The following RGS7 variants were observed in gnomAD, a reference collection of about 807,000 sequenced individuals.
The protein encoded by RGS7 is regulator of G-protein signaling 7.
A neutral mutation model predicts 81.1 loss-of-function variants in RGS7; 27 were observed. The ratio of observed to expected loss-of-function variants is 0.33; its 90% CI spans 0.25 to 0.46. The LOEUF is 0.46. RGS7 is among the 20% of genes least tolerant of loss of function. The pLI, the probability that RGS7 is intolerant of heterozygous loss-of-function variation, is 1.00. For synonymous variants in RGS7, 208 were observed against 207.7 expected (o/e 1.00, Z -0.01); for missense variants, 396 against 607.4 (o/e 0.65, Z 3.66).
At chr1:241,209,818 C>G (rs1276954877) in intron 2 of RGS7, among the ~76,000 whole-genome samples, 1 of 151,950 alleles carries the variant, frequency 6.6e-6, no homozygotes, top group Non-Finnish European at 1.5e-5. Context: ...GCGTGGGTGT[C>G]AGAGCCAGAC....
In RGS7 at chr1:241,170,372, C is replaced by T. The variant is rs111619551; in HGVS notation, c.79-71610G>A. On this transcript the variant is annotated intron_variant, in intron 2 of 18. Transcript: ENST00000440928. The stretch of plus-strand genomic sequence containing the variant: ...AAAATACATATTTTACAAGTAAAAT[C>T]TGCATGAATCAACCTTGAGTTTTAT... 1.9e-3 allele frequency among the ~76,000 whole-genome samples: 294 copies of T among 152,150 alleles called. 1 individual carries two copies. The highest frequency in any genetic ancestry group is 6.7e-3 in the African/African-American group (278 of 41,486).
In RGS7 at chr1:240,892,620, T is replaced by G. The variant is rs74888847; in HGVS notation, c.386-22501A>C. 6.1e-3 allele frequency among the ~76,000 whole-genome samples: 931 copies of G among 152,294 alleles called. 13 individuals carry two copies. The highest frequency in any genetic ancestry group is 0.021 in the African/African-American group (885 of 41,560). On this transcript the variant is annotated intron_variant, in intron 6 of 18. Coordinates refer to ENST00000440928, the MANE Select transcript of RGS7 (RefSeq NM_001364886.1). The stretch of plus-strand genomic sequence containing the variant: ...CATAATAAACTGGAACCTAACTGTA[T>G]GTGTAAACAACCTACTCTTGTACCA...
intron 6 of RGS7, chr1:240,920,143 A>C (rs1261159474): frequency 1.1e-6 from 1 of 951,774 alleles, no homozygotes; most frequent in Admixed American, 1.7e-5. Context: ...ACGGTCATTC[A>C]GAAATACCAC....
At chr1:241,216,728 T>G (rs1203740249) in intron 2 of RGS7, among the ~76,000 whole-genome samples, 1 of 152,176 alleles carries the variant, frequency 6.6e-6, no homozygotes, top group Non-Finnish European at 1.5e-5. Flanking sequence ...GAAAGAGATA[T>G]AATCCTGGGA....
intron 18 of RGS7, among the ~76,000 whole-genome samples, chr1:240,777,420 A>T (rs1214305825): frequency 1.3e-5 from 2 of 152,236 alleles, no homozygotes; most frequent in African/African-American, 2.4e-5. Context: ...CTCAGAAGAT[A>T]AGTAAAAATT....
intron 2 of RGS7, among the ~76,000 whole-genome samples, chr1:241,146,149 T>G (rs1020431527): frequency 6.6e-6 from 1 of 152,030 alleles, no homozygotes; most frequent in African/African-American, 2.4e-5. Flanking sequence ...CTGGCATCCA[T>G]GCATCCACGG....
At chr1:240,980,850 AAT>A (rs1684808061) in intron 4 of RGS7, among the ~76,000 whole-genome samples, 1 of 152,234 alleles carries the variant, frequency 6.6e-6, no homozygotes, top group African/African-American at 2.4e-5. Flanking sequence ...GCCTGTCATA[AAT>A]ATGACTACAG....
intron 2 of RGS7, among the ~76,000 whole-genome samples, chr1:241,136,364 C>T (rs1044970712): frequency 6.6e-6 from 1 of 152,158 alleles, no homozygotes; most frequent in Non-Finnish European, 1.5e-5. Context: ...GAACATTGGT[C>T]TTCACCCTTT....
intron 3 of RGS7, among the ~76,000 whole-genome samples, chr1:240,996,003 C>T (rs1317920346): frequency 1.3e-5 from 2 of 150,212 alleles, no homozygotes; most frequent in Non-Finnish European, 3.0e-5. Flanking sequence ...TGACATGTTA[C>T]ATTTTATTTT....
rs879562914 is a variant in RGS7, at chr1:241,157,124, TA to T, written c.79-58363del. Among the ~76,000 whole-genome samples the T allele has an allele frequency of 5.4e-3, 769 of 141,850 alleles. 2 individuals carry two copies. The highest frequency in any genetic ancestry group is 6.6e-3 in the African/African-American group (258 of 38,818). The allele number at this position is 141,850 out of a possible 152,430, so 93.1% of individuals were successfully genotyped here. On this transcript the variant is annotated intron_variant, in intron 2 of 18. Transcript: ENST00000440928. ...ACTTTCTCCAGTTGTCTGGTGGAATTAAAAAAAAAAAAAGACTTTCACTTTT... is the reference window on the plus strand; with the variant it reads ...ACTTTCTCCAGTTGTCTGGTGGAATTAAAAAAAAAAAAGACTTTCACTTTT...
chr1:241,251,481 T>C (rs1235674160), intron 2 of RGS7, among the ~76,000 whole-genome samples: 1 of 151,998 alleles, frequency 6.6e-6, no homozygotes, highest in African/African-American at 2.4e-5. Flanking sequence ...TTAAGTGCTT[T>C]GGATTTTTTC....
In RGS7 at chr1:240,936,768, A is replaced by C. The variant is rs548142211; in HGVS notation, c.227-62T>G. 2.2e-5 allele frequency: 28 copies of C among 1,267,292 alleles called. No individual in the cohort carries two copies. In the African/African-American group the frequency reaches 4.0e-4, roughly 18 times the overall value. The allele number at this position is 1,267,292 out of a possible 1,614,324, so 78.5% of individuals were successfully genotyped here. ...CTTTTAAATGTATTCTTTTATAGGA[A>C]TGTAACGTTTTTGTGTGGTTCCTTT... is the stretch of plus-strand genomic sequence containing the variant. On this transcript the variant is annotated intron_variant, in intron 4 of 18. Transcript: ENST00000440928.
chr1:241,164,343 A>C lies in RGS7; in HGVS notation c.79-65581T>G, dbSNP rs1396597280. ...CCTTTGGCCATTGGTGGTCAACTTA[A>C]CCTTCAGCCCCTTTCCCCTCCTTGG... is the stretch of plus-strand genomic sequence containing the variant. On this transcript the variant is annotated intron_variant, in intron 2 of 18. Coordinates refer to ENST00000440928, the MANE Select transcript of RGS7 (RefSeq NM_001364886.1). The surrounding 1 kb of genome is among the most constrained non-coding windows in gnomAD (Gnocchi z 4.1). Among the ~76,000 whole-genome samples, 1 of 151,484 alleles carries C rather than the reference A, an allele frequency of 6.6e-6. No homozygotes were observed. Among genetic ancestry groups the C allele is most frequent in the East Asian group, 2.0e-4 (1 of 5,128 alleles).
In RGS7 at chr1:241,311,873, T is replaced by C. The variant is rs147025785; in HGVS notation, c.78+43826A>G. Among the ~76,000 whole-genome samples, 963 of 152,338 alleles carry C rather than the reference T, an allele frequency of 6.3e-3. 11 individuals are homozygous for C. Among genetic ancestry groups the C allele is most frequent in the African/African-American group, 0.022 (895 of 41,580 alleles). On this transcript the variant is annotated intron_variant, in intron 2 of 18. Transcript: ENST00000440928. ...ATTACATGAAAATCAACTGGTTCTC[T>C]TTGTTCCTGCTACTTAAAAGGAGTA...
intron 9 of RGS7, among the ~76,000 whole-genome samples, chr1:240,857,669 T>C (rs1007636776): frequency 6.6e-6 from 1 of 152,166 alleles, no homozygotes; most frequent in Non-Finnish European, 1.5e-5. Flanking sequence ...ATTTGTACGA[T>C]GCATTTAAAG....
intron 2 of RGS7, among the ~76,000 whole-genome samples, chr1:241,151,565 CTTTTT>C (rs58097674): frequency 7.7e-5 from 9 of 116,492 alleles, no homozygotes; most frequent in African/African-American, 2.7e-4. Context: ...ATTAGGAACT[CTTTTT>C]TTTTTTTTTT....
At chr1:240,970,483 A>G (rs1196311957) in intron 4 of RGS7, among the ~76,000 whole-genome samples, 2 of 152,236 alleles carry the variant, frequency 1.3e-5, no homozygotes, top group African/African-American at 4.8e-5. Flanking sequence ...TAAGGTGGGG[A>G]GTAAAAGAAA....
chr1:241,135,548 C>T (rs928815478), intron 2 of RGS7, among the ~76,000 whole-genome samples: 2 of 152,148 alleles, frequency 1.3e-5, no homozygotes, highest in Non-Finnish European at 2.9e-5. Flanking sequence ...GATGCCTCCC[C>T]TATCTTTTTG....
At chr1:240,884,660 G>C (rs375893437) in intron 6 of RGS7, among the ~76,000 whole-genome samples, 1 of 152,186 alleles carries the variant, frequency 6.6e-6, no homozygotes, top group African/African-American at 2.4e-5. Flanking sequence ...ATGGGGAAAA[G>C]ATTCCCTATT....
Sources: allele counts gnomAD v4.1 joint callset (sites outside exome capture counted in the v4.1 genomes callset), GRCh38; gene constraint gnomAD v4.1.1; non-coding constraint Gnocchi (gnomAD v3.1); transcripts MANE v1.5; gene names NCBI Gene and HGNC (gene_info 2026-07-23, HGNC 2026-07-21).